The following SRC variants were observed in gnomAD, a reference collection of about 807,000 sequenced individuals.
SRC encodes SRC proto-oncogene, non-receptor tyrosine kinase.
SRC carries 13 observed loss-of-function variants against 62.9 expected under a neutral mutation model. The observed-to-expected ratio is 0.21, with a 90% CI of 0.13 to 0.33. SRC has a LOEUF of 0.33. Among genes scored for constraint, SRC ranks in the 10% least tolerant of loss-of-function variants. SRC has a pLI of 1.00. For synonymous variants in SRC, 302 were observed against 317.5 expected (o/e 0.95, Z 0.52); for missense variants, 457 against 737.3 (o/e 0.62, Z 4.40).
At position 37,403,571 on chromosome 20, in the gene SRC, G is replaced by A; in HGVS notation, c.*192G>A. ...CTAGGGTGGCCTGAGAGGGCGGTGGGTATGCGAGACCAGCACGGTGACTCT... is the reference window on the plus strand; with the variant it reads ...CTAGGGTGGCCTGAGAGGGCGGTGGATATGCGAGACCAGCACGGTGACTCT... On this transcript the variant is annotated 3_prime_UTR_variant, in exon 14 of 14. Transcript: ENST00000373578. The surrounding 1 kb of genome is among the most constrained non-coding windows in gnomAD (Gnocchi z 7.1). 1 of 638,432 alleles carries A rather than the reference G, an allele frequency of 1.6e-6. No individual in the cohort carries two copies. The highest frequency in any genetic ancestry group is 2.9e-5 in the Admixed American group (1 of 33,950). The allele number at this position is 638,432 out of a possible 1,614,324, so 39.5% of individuals were successfully genotyped here.
rs2070425968 is a variant in SRC at position 37,384,812 on chromosome 20, A to G, written c.250+409A>G. Among the ~76,000 whole-genome samples the G allele has an allele frequency of 6.6e-6, 1 of 152,106 alleles. No homozygotes were observed. On this transcript the variant is annotated intron_variant, in intron 4 of 13. Transcript: ENST00000373578. The surrounding 1 kb of genome is among the most constrained non-coding windows in gnomAD (Gnocchi z 6.7). ...AGCTGGGTCGCTCGGGGAACGGGGC[A>G]CCGGATGGCCCCGGTTGGGCCCGCG...
intron 2 of SRC, among the ~76,000 whole-genome samples, chr20:37,366,405 A>G (rs2070062310): frequency 6.6e-6 from 1 of 152,244 alleles, no homozygotes; most frequent in African/African-American, 2.4e-5. Flanking sequence ...TTATCTATTT[A>G]AAGTATACAA....
intron 10 of SRC, 127 bp downstream of exon 10, chr20:37,400,421 T>A: frequency 1.2e-6 from 1 of 831,220 alleles, no homozygotes; most frequent in Non-Finnish European, 1.7e-6. Flanking sequence ...CCAAATTCTC[T>A]GTTGCCTGGG....
chr20:37,386,240 C>T, intron 5 of SRC, 66 bp downstream of exon 5: 3 of 1,451,984 alleles, frequency 2.1e-6, no homozygotes, highest in South Asian at 2.3e-5. Context: ...GGCAGGGGCT[C>T]ATGCAGGATC....
intron 2 of SRC, among the ~76,000 whole-genome samples, chr20:37,382,275 T>A (rs1277137795): frequency 2.0e-5 from 3 of 152,226 alleles, no homozygotes; most frequent in Non-Finnish European, 4.4e-5. Context: ...TTTATCACAA[T>A]GACCCCATCG....
intron 2 of SRC, among the ~76,000 whole-genome samples, chr20:37,367,899 C>T (rs978859992): frequency 6.6e-6 from 1 of 152,140 alleles, no homozygotes; most frequent in African/African-American, 2.4e-5. Context: ...CCTGTCTTGG[C>T]TTCCAAAGCA....
At position 37,403,603 on chromosome 20, in the gene SRC, C is replaced by T; in HGVS notation, c.*224C>T. On this transcript the variant is annotated 3_prime_UTR_variant, in exon 14 of 14. Transcript: ENST00000373578. This position sits in a 1 kb window ranked among gnomAD's most constrained non-coding sequence, Gnocchi z 7.1. ...AGACCAGCACGGTGACTCTGTCCAG[C>T]TCCCGCTGTGGCCGCACGCCTCTCC... 1 of 582,740 alleles carries T rather than the reference C, an allele frequency of 1.7e-6. No individual in the cohort carries two copies. The highest frequency in any genetic ancestry group is 3.1e-6 in the Non-Finnish European group (1 of 327,614). The allele number at this position is 582,740 out of a possible 1,614,324, so 36.1% of individuals were successfully genotyped here. A position where few individuals can be genotyped will look rare whatever the true frequency, so the allele number is the denominator to read the frequency against.
At chr20:37,363,184 T>C (rs566850512) in intron 1 of SRC, among the ~76,000 whole-genome samples, 1 of 152,236 alleles carries the variant, frequency 6.6e-6, no homozygotes. Flanking sequence ...CACTGTTCTC[T>C]GACCGCCGGC....
At chr20:37,389,069 G>A (rs2070503128) in intron 5 of SRC, among the ~76,000 whole-genome samples, 1 of 152,146 alleles carries the variant, frequency 6.6e-6, no homozygotes, top group South Asian at 2.1e-4. Context: ...TCTGTGGATG[G>A]GGTCTGGCCA....
chr20:37,378,761 CG>C (rs950854915), intron 2 of SRC, among the ~76,000 whole-genome samples: 1 of 152,028 alleles, frequency 6.6e-6, no homozygotes, highest in East Asian at 1.9e-4. Context: ...CCTCTGGCTG[CG>C]GGGGGAGGGT....
At chr20:37,388,915 T>C (rs1184194976) in intron 5 of SRC, among the ~76,000 whole-genome samples, 1 of 152,060 alleles carries the variant, frequency 6.6e-6, no homozygotes, top group Non-Finnish European at 1.5e-5. Context: ...ACGTCCTTCC[T>C]CCATCAGTGC....
In SRC at chr20:37,403,012, T is replaced by A; in HGVS notation, c.1402+132T>A. The A allele has an allele frequency of 7.4e-7, 1 of 1,348,972 alleles. No individual in the cohort carries two copies. Among genetic ancestry groups the A allele is most frequent in the Non-Finnish European group, 9.9e-7 (1 of 1,007,236 alleles). 83.6% of individuals were successfully genotyped at this position (1,348,972 alleles called of 1,614,324 possible). On this transcript the variant is annotated intron_variant, in intron 13 of 13. Coordinates refer to ENST00000373578, the MANE Select transcript of SRC (RefSeq NM_198291.3). The surrounding 1 kb of genome is among the most constrained non-coding windows in gnomAD (Gnocchi z 7.1). ...AGAAGTTGAGCGTCTGATGTTAGGC[T>A]CTCTCGATGGTCCATGCTCTCAGCT...
chr20:37,356,212 A>G (rs2069879659), intron 1 of SRC, among the ~76,000 whole-genome samples: 1 of 152,130 alleles, frequency 6.6e-6, no homozygotes, highest in African/African-American at 2.4e-5. Context: ...GAGGGGAGAT[A>G]GAGCTTGACA....
chr20:37,393,830 G>A (rs1199714370), intron 5 of SRC, 65 bp from the exon 6 acceptor site: 2 of 1,268,184 alleles, frequency 1.6e-6, no homozygotes, highest in Non-Finnish European at 2.3e-6. Flanking sequence ...TAGGAGGATG[G>A]TGGGCACCGG....
chr20:37,381,113 G>A (rs941161370), intron 2 of SRC, among the ~76,000 whole-genome samples: 9 of 152,068 alleles, frequency 5.9e-5, no homozygotes, highest in Non-Finnish European at 1.2e-4. Flanking sequence ...AACCTCAACC[G>A]TCTGCCTCTC....
chr20:37,393,217 C>T (rs1238742737), intron 5 of SRC, among the ~76,000 whole-genome samples: 1 of 152,220 alleles, frequency 6.6e-6, no homozygotes, highest in Non-Finnish European at 1.5e-5. Flanking sequence ...CCCCTCTGGC[C>T]TCAGTTTCCC....
intron 1 of SRC, among the ~76,000 whole-genome samples, chr20:37,350,245 G>A (rs1431055183): frequency 6.6e-6 from 1 of 152,206 alleles, no homozygotes; most frequent in Non-Finnish European, 1.5e-5. Context: ...CATGCCTGAA[G>A]TAGGATAGTG....
At chr20:37,363,994 G>A (rs932206514) in intron 1 of SRC, among the ~76,000 whole-genome samples, 6 of 151,846 alleles carry the variant, frequency 4.0e-5, no homozygotes, top group South Asian at 2.1e-4. Context: ...CCTGCCCACC[G>A]CCTTCCCCCT....
intron 2 of SRC, among the ~76,000 whole-genome samples, chr20:37,382,240 C>T (rs1568633331): frequency 6.6e-6 from 1 of 151,506 alleles, no homozygotes; most frequent in African/African-American, 2.4e-5. Context: ...TGTGATGCCC[C>T]TAGCACCCTA....
Sources: allele counts gnomAD v4.1 joint callset (sites outside exome capture counted in the v4.1 genomes callset), GRCh38; gene constraint gnomAD v4.1.1; non-coding constraint Gnocchi (gnomAD v3.1); transcripts MANE v1.5; gene names NCBI Gene and HGNC (gene_info 2026-07-23, HGNC 2026-07-21).